EDN1: variants seen among roughly 807,000 people sequenced by gnomAD.
The protein encoded by EDN1 is endothelin 1.
EDN1 carries 11 observed loss-of-function variants against 21.7 expected under a neutral mutation model. The observed-to-expected ratio is 0.51, with a 90% CI of 0.32 to 0.84. The LOEUF (loss-of-function observed/expected upper bound fraction) is 0.84. EDN1 is among the 40% of genes least tolerant of loss of function. The pLI is 0.03. For synonymous variants in EDN1, 85 were observed against 90.6 expected, an observed-to-expected ratio of 0.94 and a Z score of 0.35; for missense variants, 244 against 262.3, an observed-to-expected ratio of 0.93 and a Z score of 0.48.
At chr6:12,240,583 G>A in the EDN1 span, among the ~76,000 whole-genome samples, 2 of 152,138 alleles carry the variant, frequency 1.3e-5, no homozygotes, top group East Asian at 3.9e-4. Context: ...ACCTGATAAA[G>A]AGCATGGAAT....
chr6:12,270,598 T>C, the EDN1 span, among the ~76,000 whole-genome samples: 1 of 152,180 alleles, frequency 6.6e-6, no homozygotes, highest in Non-Finnish European at 1.5e-5. Context: ...ATTTCTCCTG[T>C]TACTGATTTC....
At chr6:12,249,656 G>A in the EDN1 span, among the ~76,000 whole-genome samples, 1 of 151,810 alleles carries the variant, frequency 6.6e-6, no homozygotes, top group Non-Finnish European at 1.5e-5. Context: ...GATATGATAA[G>A]GAAGGTTCAT....
At chr6:12,233,524 C>T in the EDN1 span, among the ~76,000 whole-genome samples, 72 of 152,122 alleles carry the variant, frequency 4.7e-4, no homozygotes, top group Admixed American at 5.9e-4. Flanking sequence ...GTTGCAAAGT[C>T]CTTTGGACAA....
At chr6:12,274,139 T>C in the EDN1 span, among the ~76,000 whole-genome samples, 1 of 152,358 alleles carries the variant, frequency 6.6e-6, no homozygotes, top group South Asian at 2.1e-4. Flanking sequence ...CTTTGCCCAG[T>C]GATTTTTAAA....
chr6:12,276,111 G>A, the EDN1 span, among the ~76,000 whole-genome samples: 1 of 138,794 alleles, frequency 7.2e-6, no homozygotes, highest in South Asian at 2.3e-4. Flanking sequence ...GCAGTGAGCC[G>A]AGGTCGCGCC....
At chr6:12,234,311 A>AC in the EDN1 span, among the ~76,000 whole-genome samples, 1 of 152,072 alleles carries the variant, frequency 6.6e-6, no homozygotes, top group Non-Finnish European at 1.5e-5. Flanking sequence ...GGAAGCAAGA[A>AC]CCCCCAAGGT....
chr6:12,246,835 C>A, the EDN1 span, among the ~76,000 whole-genome samples: 1 of 152,200 alleles, frequency 6.6e-6, no homozygotes, highest in African/African-American at 2.4e-5. Flanking sequence ...AACCTATCTC[C>A]ACCTCAGTTT....
the EDN1 span, among the ~76,000 whole-genome samples, chr6:12,268,961 G>A: frequency 7.9e-4 from 120 of 152,122 alleles, no homozygotes; most frequent in African/African-American, 2.8e-3. Flanking sequence ...TCCAATCCAC[G>A]AACATGAGAC....
the EDN1 span, among the ~76,000 whole-genome samples, chr6:12,252,924 A>T: frequency 6.6e-6 from 1 of 152,208 alleles, no homozygotes; most frequent in Non-Finnish European, 1.5e-5. Flanking sequence ...GGAAGAGGAG[A>T]GGTAGAGGAA....
the EDN1 span, among the ~76,000 whole-genome samples, chr6:12,284,714 AG>A: frequency 5.5e-5 from 8 of 145,526 alleles, no homozygotes; most frequent in African/African-American, 2.1e-4. Context: ...GAAGAAAGAA[AG>A]AAGGAAAGGA....
At chr6:12,285,059 G>C in the EDN1 span, among the ~76,000 whole-genome samples, 1 of 152,126 alleles carries the variant, frequency 6.6e-6, no homozygotes, top group East Asian at 1.9e-4. Flanking sequence ...TTTCTGAGAT[G>C]TGTGAAATAT....
At chr6:12,267,612 G>A in the EDN1 span, among the ~76,000 whole-genome samples, 1 of 152,182 alleles carries the variant, frequency 6.6e-6, no homozygotes, top group South Asian at 2.1e-4. Flanking sequence ...TTTAAGGAAA[G>A]AAGCTATCTC....
chr6:12,253,865 A>G, the EDN1 span, among the ~76,000 whole-genome samples: 2 of 152,096 alleles, frequency 1.3e-5, no homozygotes, highest in Admixed American at 1.3e-4. Context: ...CGCACACCCA[A>G]TCTACCGCCC....
At chr6:12,286,112 C>A (rs1241253748), upstream of EDN1, among the ~76,000 whole-genome samples, 1 of 152,080 alleles carries the variant, frequency 6.6e-6, no homozygotes, top group Non-Finnish European at 1.5e-5. Flanking sequence ...ACAGGTGGCA[C>A]CCAAATATGG....
At chr6:12,273,256 C>T in the EDN1 span, among the ~76,000 whole-genome samples, 1 of 152,170 alleles carries the variant, frequency 6.6e-6, no homozygotes, top group East Asian at 1.9e-4. Context: ...AAATGCATTT[C>T]AGGCCCGTGG....
At chr6:12,253,077 A>G in the EDN1 span, among the ~76,000 whole-genome samples, 4 of 152,170 alleles carry the variant, frequency 2.6e-5, no homozygotes, top group Admixed American at 6.5e-5. Context: ...CTTTGTGGCG[A>G]GGACCATAAA....
chr6:12,288,143 A>C (rs1762594627), upstream of EDN1, among the ~76,000 whole-genome samples: 1 of 151,820 alleles, frequency 6.6e-6, no homozygotes, highest in African/African-American at 2.4e-5. Context: ...GGACCTGAGA[A>C]TATTGGGGAG....
chr6:12,289,655 A>C (rs1762625002), upstream of EDN1, among the ~76,000 whole-genome samples: 2 of 152,330 alleles, frequency 1.3e-5, no homozygotes, highest in African/African-American at 4.8e-5. Flanking sequence ...GACACACAAA[A>C]GAACTTATCG....
upstream of EDN1, among the ~76,000 whole-genome samples, chr6:12,286,811 G>A (rs1192998372): frequency 6.6e-6 from 1 of 152,160 alleles, no homozygotes; most frequent in Non-Finnish European, 1.5e-5. Context: ...GCATTCAAGT[G>A]TAGCCTCAAA....
Sources: gnomAD v4.1 joint callset for allele counts (sites outside exome capture counted in the v4.1 genomes callset) on GRCh38, gnomAD v4.1.1 for gene constraint, MANE v1.5 for transcripts, NCBI Gene and HGNC (gene_info 2026-07-23, HGNC 2026-07-21) for gene names.